DOCK7: variants seen among roughly 807,000 people sequenced by gnomAD.
DOCK7 encodes dedicator of cytokinesis 7, also known as dedicator of cytokinesis protein 7.
A neutral mutation model predicts 271.0 loss-of-function variants in DOCK7; 138 were observed. The observed-to-expected ratio is 0.51, with a 90% CI of 0.44 to 0.59. The LOEUF (loss-of-function observed/expected upper bound fraction) is 0.59, where lower values mean the gene tolerates loss of function less well. DOCK7 is among the 20% of genes least tolerant of loss of function. The pLI, the probability that DOCK7 is intolerant of heterozygous loss-of-function variation, is 0.00. For missense variants in DOCK7, 2,066 were observed against 2,592.4 expected, an observed-to-expected ratio of 0.80 and a Z score of 4.41; for synonymous variants, 823 against 876.1, an observed-to-expected ratio of 0.94 and a Z score of 1.07.
At chr1:62,535,165 T>C (rs1311710033) in intron 29 of DOCK7, among the ~76,000 whole-genome samples, 1 of 152,130 alleles carries the variant, frequency 6.6e-6, no homozygotes, top group Non-Finnish European at 1.5e-5. Flanking sequence ...ATGACAAGCA[T>C]TTACTTTACA....
chr1:62,491,552 G>C (rs1488273931), intron 41 of DOCK7, among the ~76,000 whole-genome samples: 1 of 152,230 alleles, frequency 6.6e-6, no homozygotes, highest in Non-Finnish European at 1.5e-5. Context: ...TAGCATGACA[G>C]CATAGTCAGG....
chr1:62,655,214 T>G (rs1028782421), intron 2 of DOCK7, among the ~76,000 whole-genome samples: 2 of 151,956 alleles, frequency 1.3e-5, no homozygotes, highest in Admixed American at 6.5e-5. Flanking sequence ...ATACTTCTTA[T>G]CTAGTTCGAA....
intron 14 of DOCK7, chr1:62,601,918 T>C: frequency 7.6e-7 from 1 of 1,314,826 alleles, no homozygotes; most frequent in South Asian, 1.2e-5. Context: ...CAGTAGTTAG[T>C]TCAACTTACT....
Position 62,475,834 on chromosome 1 carries a change from G to GTA in DOCK7, c.5832_5833dup (p.Thr1945IlefsTer6). On this transcript the variant is annotated frameshift_variant, in exon 46 of 50. Coordinates refer to ENST00000635253, the MANE Select transcript of DOCK7 (RefSeq NM_001367561.1). LOFTEE classifies it high-confidence loss of function. Reference sequence around the variant, plus strand: ...GGCACGGCCATCTAAAGTAAAGGGTGTACAGTACATGAATCGACGAAGATT... The same window carrying GTA: ...GGCACGGCCATCTAAAGTAAAGGGTGTATACAGTACATGAATCGACGAAGATT... The GTA allele has an allele frequency of 1.2e-6, 2 of 1,614,064 alleles. No homozygotes were observed. Among genetic ancestry groups the GTA allele is most frequent in the Non-Finnish European group, 1.7e-6 (2 of 1,179,942 alleles).
intron 14 of DOCK7, chr1:62,597,488 T>C: frequency 6.7e-7 from 1 of 1,483,930 alleles, no homozygotes; most frequent in Non-Finnish European, 9.2e-7. Context: ...AATATTGGTA[T>C]ATATAGAGTT....
At chr1:62,632,446 C>T (rs1283973541) in intron 10 of DOCK7, among the ~76,000 whole-genome samples, 1 of 152,124 alleles carries the variant, frequency 6.6e-6, no homozygotes, top group Non-Finnish European at 1.5e-5. Context: ...ATATCATGTG[C>T]TCAGATCTAC....
chr1:62,468,083 G>A (rs1293988695), intron 48 of DOCK7, among the ~76,000 whole-genome samples: 7 of 152,118 alleles, frequency 4.6e-5, no homozygotes, highest in Non-Finnish European at 7.4e-5. Flanking sequence ...CATCAAGGCC[G>A]GGCGCGGTGG....
chr1:62,538,236 A>T (rs1326041486), intron 27 of DOCK7, among the ~76,000 whole-genome samples, 175 bp from the exon 28 acceptor site: 1 of 152,248 alleles, frequency 6.6e-6, no homozygotes, highest in Non-Finnish European at 1.5e-5. Context: ...TAAAAATTTT[A>T]AACTATCAGG....
chr1:62,684,987 A>G (rs1661569920), intron 1 of DOCK7, among the ~76,000 whole-genome samples: 1 of 152,234 alleles, frequency 6.6e-6, no homozygotes, highest in African/African-American at 2.4e-5. Context: ...GAAAAGAAAT[A>G]AGGTTTCAAA....
At chr1:62,636,950 TA>T (rs1309516453) in intron 7 of DOCK7, among the ~76,000 whole-genome samples, 1 of 152,188 alleles carries the variant, frequency 6.6e-6, no homozygotes, top group Admixed American at 6.5e-5. Flanking sequence ...GTTTTAAAAA[TA>T]AAAGCCTAAT....
At chr1:62,604,991 C>T (rs779032330) in intron 14 of DOCK7, 31 of 626,888 alleles carry the variant, frequency 4.9e-5, no homozygotes, top group Middle Eastern at 4.4e-4. Context: ...TAAAGAATAC[C>T]GTTTACATTT....
intron 37 of DOCK7, among the ~76,000 whole-genome samples, chr1:62,500,065 T>C (rs982262457): frequency 6.6e-6 from 1 of 152,104 alleles, no homozygotes; most frequent in Non-Finnish European, 1.5e-5. Context: ...CTGAAGGAAC[T>C]CCCTATAAAT....
intron 13 of DOCK7, among the ~76,000 whole-genome samples, 157 bp from the exon 14 acceptor site, chr1:62,619,025 T>C (rs2149586645): frequency 6.6e-6 from 1 of 152,284 alleles, no homozygotes; most frequent in South Asian, 2.1e-4. Flanking sequence ...TCTAAATCAT[T>C]TCATTTTGCA....
intron 4 of DOCK7, 142 bp downstream of exon 4, chr1:62,653,577 AATATCT>A: frequency 1.7e-6 from 1 of 591,204 alleles, no homozygotes; most frequent in African/African-American, 1.9e-5. Flanking sequence ...CTAAGGAGTA[AATATCT>A]ATACACAAAA....
At chr1:62,647,962 A>G in intron 6 of DOCK7, 144 bp downstream of exon 6, 2 of 830,618 alleles carry the variant, frequency 2.4e-6, no homozygotes, top group South Asian at 1.8e-5. Context: ...TAGTAAATTC[A>G]CTAGTATAAA....
At position 62,648,124 on chromosome 1, in the gene DOCK7, C is replaced by T. The variant is rs1656899292; in HGVS notation, c.714G>A (p.Leu238=). 2 of 1,613,070 alleles carry T rather than the reference C, an allele frequency of 1.2e-6. No homozygotes were observed. The highest frequency in any genetic ancestry group is 1.3e-5 in the African/African-American group (1 of 74,988). Residue 238 remains leucine, a synonymous_variant, in exon 6 of 50, where the codon TTG becomes TTA. Coordinates refer to ENST00000635253, the MANE Select transcript of DOCK7 (RefSeq NM_001367561.1). ...TCTATACCTCATCTGGTGATGGATG[C>T]AAAGCAAAAAGTTCTTTGTGACGGT... is the stretch of plus-strand genomic sequence containing the variant. The part of the protein sequence containing the change: ...KSNRHKELFA[L]HPSPDEEEPI...
At chr1:62,635,119 T>A in intron 8 of DOCK7, 197 bp from the exon 9 acceptor site, 1 of 376,616 alleles carries the variant, frequency 2.7e-6, no homozygotes, top group East Asian at 4.5e-5. Context: ...AAAACATTCA[T>A]GTTAAATAAT....
At chr1:62,635,168 T>C (rs1014210563) in intron 8 of DOCK7, 13 of 277,726 alleles carry the variant, frequency 4.7e-5, no homozygotes, top group African/African-American at 2.9e-4. Context: ...GATAGTAGGA[T>C]ATTATACTCT....
chr1:62,517,505 G>A (rs193051003), intron 31 of DOCK7, among the ~76,000 whole-genome samples: 35 of 152,266 alleles, frequency 2.3e-4, no homozygotes, highest in Non-Finnish European at 3.5e-4. Context: ...TGAGGCAGGA[G>A]AATTGCTTGA....
Sources: gnomAD v4.1 joint callset for allele counts (sites outside exome capture counted in the v4.1 genomes callset) on GRCh38, gnomAD v4.1.1 for gene constraint, MANE v1.5 for transcripts, NCBI Gene and HGNC (gene_info 2026-07-23, HGNC 2026-07-21) for gene names.